Variants in SELENOF observed in about 807,000 individuals in gnomAD.
SELENOF encodes the protein selenoprotein F, also known as 15 kDa selenoprotein.
In SELENOF, 16 loss-of-function variants were observed where a neutral mutation model predicts 20.5. The observed-to-expected ratio is 0.78, with a 90% CI of 0.53 to 1.19. The LOEUF (loss-of-function observed/expected upper bound fraction) is 1.19, where lower values mean the gene tolerates loss of function less well. Among genes scored for constraint, SELENOF ranks in the 50% most tolerant of loss-of-function variants. The pLI is 0.00. For synonymous variants in SELENOF, 78 were observed against 74.5 expected (o/e 1.05, Z -0.24); for missense variants, 215 against 194.2 (o/e 1.11, Z -0.64).
intron 3 of SELENOF, among the ~76,000 whole-genome samples, chr1:86,872,471 C>A (rs1454713670): frequency 6.6e-6 from 1 of 151,984 alleles, no homozygotes; most frequent in African/African-American, 2.4e-5. Flanking sequence ...CGGGTTCAGG[C>A]GATTCTCCTG....
chr1:86,865,483 A>G (rs144133649), intron 4 of SELENOF, among the ~76,000 whole-genome samples: 56 of 152,348 alleles, frequency 3.7e-4, no homozygotes, highest in Non-Finnish European at 6.6e-4. Context: ...ACTTGAATAA[A>G]CAATGTTCTA....
chr1:86,866,409 T>C lies in SELENOF; in HGVS notation c.366+1644A>G, dbSNP rs527754252. ...TAAGTATCTGAAGTAGTCAAAACTA[T>C]AGAAACAGAAAACAGGTAGTTGTCA... On this transcript the variant is annotated intron_variant, in intron 4 of 4. Transcript: ENST00000331835. Among the ~76,000 whole-genome samples, 298 of 146,208 alleles carry C rather than the reference T, an allele frequency of 2.0e-3. 2 individuals carry two copies. The highest frequency in any genetic ancestry group is 2.8e-3 in the Non-Finnish European group (191 of 67,232).
chr1:86,891,657 A>G (rs1029704152), intron 2 of SELENOF, among the ~76,000 whole-genome samples: 3 of 152,186 alleles, frequency 2.0e-5, no homozygotes, highest in African/African-American at 7.2e-5. Context: ...AAAATTTTAA[A>G]TAATATTTTG....
chr1:86,914,265 C>T (rs1450512042), upstream of SELENOF: 5 of 668,122 alleles, frequency 7.5e-6, no homozygotes, highest in Non-Finnish European at 1.3e-5. Flanking sequence ...GCTTAAAAGT[C>T]ATCAAATACA....
chr1:86,911,077 A>T (rs1232410108), intron 1 of SELENOF, among the ~76,000 whole-genome samples: 4 of 152,230 alleles, frequency 2.6e-5, no homozygotes, highest in Admixed American at 2.0e-4. Flanking sequence ...TCCCTTTGGG[A>T]GTGGGTAGGA....
intron 2 of SELENOF, among the ~76,000 whole-genome samples, chr1:86,892,093 G>A (rs982877212): frequency 1.3e-5 from 2 of 151,842 alleles, no homozygotes; most frequent in Non-Finnish European, 2.9e-5. Flanking sequence ...ACCATGCCCA[G>A]TTAATTTCTT....
intron 3 of SELENOF, among the ~76,000 whole-genome samples, chr1:86,877,679 C>G (rs1001670768): frequency 2.0e-5 from 3 of 152,108 alleles, no homozygotes; most frequent in Non-Finnish European, 4.4e-5. Context: ...TTTCAAAACT[C>G]CTTTTTGCGT....
chr1:86,911,541 A>G (rs1018258332), intron 1 of SELENOF, among the ~76,000 whole-genome samples: 22 of 152,234 alleles, frequency 1.4e-4, no homozygotes, highest in African/African-American at 5.3e-4. Context: ...GCCACTGAAG[A>G]GTTTTAATCA....
intron 3 of SELENOF, among the ~76,000 whole-genome samples, chr1:86,880,152 T>C (rs1659029336): frequency 6.6e-6 from 1 of 152,036 alleles, no homozygotes; most frequent in Non-Finnish European, 1.5e-5. Context: ...TTTTTTTTTT[T>C]TGAGACAGAG....
chr1:86,868,056 G>C lies in SELENOF; in HGVS notation c.363C>G (p.Ile121Met). Residue 121 changes from isoleucine (I) to methionine (M), a missense_variant, in exon 4 of 5, where the codon ATC (isoleucine) becomes ATG (methionine). By Grantham distance (10) the Ile-to-Met change is conservative (BLOSUM62 1). Coordinates refer to ENST00000331835, the MANE Select transcript of SELENOF (RefSeq NM_004261.5). ...ATCTCCACTACAATCACCTTACCTT[G>C]ATTTGCAGTCCTCTGAACAGTTTGG... ...DKPKLFRGLQ[I>M]KYVRGSDPVL... 1 of 1,479,300 alleles carries C rather than the reference G, an allele frequency of 6.8e-7. No homozygotes were observed. Among genetic ancestry groups the C allele is most frequent in the Non-Finnish European group, 9.1e-7 (1 of 1,095,014 alleles). The allele number at this position is 1,479,300 out of a possible 1,614,324, so 91.6% of individuals were successfully genotyped here.
At position 86,880,635 on chromosome 1, in the gene SELENOF, C is replaced by G. The variant is rs373462249; in HGVS notation, c.316+27G>C. The G allele has an allele frequency of 3.9e-4, 517 of 1,340,162 alleles. 1 individual carries two copies. The Middle Eastern group carries it at 7.8e-3, about 20-fold the overall frequency. 83.0% of individuals were successfully genotyped at this position (1,340,162 alleles called of 1,614,324 possible). On this transcript the variant is annotated intron_variant, in intron 3 of 4. Coordinates refer to ENST00000331835, the MANE Select transcript of SELENOF (RefSeq NM_004261.5). ...AAAATGTTGATTTTAAATGACTGAA[C>G]AGTTTACTGGAGTAAATTTTATATA...
intron 4 of SELENOF, among the ~76,000 whole-genome samples, chr1:86,865,038 C>T (rs1479672089): frequency 6.6e-6 from 1 of 151,368 alleles, no homozygotes; most frequent in Non-Finnish European, 1.5e-5. Flanking sequence ...TATTATAATC[C>T]CAAAAGGAAA....
intron 3 of SELENOF, among the ~76,000 whole-genome samples, chr1:86,873,042 C>T (rs1232919875): frequency 2.4e-5 from 3 of 127,486 alleles, no homozygotes; most frequent in Non-Finnish European, 5.2e-5. Flanking sequence ...GTGACTCCGT[C>T]TAAAATAAAT....
At chr1:86,882,446 T>G (rs1358181884) in intron 2 of SELENOF, among the ~76,000 whole-genome samples, 1 of 145,866 alleles carries the variant, frequency 6.9e-6, no homozygotes, top group Admixed American at 6.9e-5. Context: ...GAAATGCATA[T>G]CAAAACCACA....
At chr1:86,899,457 G>T (rs1488160700) in intron 2 of SELENOF, among the ~76,000 whole-genome samples, 1 of 128,670 alleles carries the variant, frequency 7.8e-6, no homozygotes, top group Non-Finnish European at 1.6e-5. Flanking sequence ...GGCTGGCCGG[G>T]CAGAGGGGCT....
intron 2 of SELENOF, among the ~76,000 whole-genome samples, chr1:86,884,660 TAA>T (rs148696409): frequency 1.1e-4 from 17 of 152,322 alleles, no homozygotes; most frequent in African/African-American, 4.1e-4. Context: ...TTTTACTTTT[TAA>T]AGTGACTAGC....
chr1:86,868,801 T>C (rs964646323), intron 3 of SELENOF, among the ~76,000 whole-genome samples: 4 of 151,918 alleles, frequency 2.6e-5, no homozygotes, highest in African/African-American at 9.7e-5. Context: ...CAAAAGGAAA[T>C]GTTTTATAGA....
chr1:86,882,763 AT>A (rs756356674), intron 2 of SELENOF, among the ~76,000 whole-genome samples: 2 of 152,240 alleles, frequency 1.3e-5, no homozygotes, highest in Non-Finnish European at 2.9e-5. Context: ...TCATGTGTTC[AT>A]TAACAGATGA....
chr1:86,907,342 TA>T (rs1347694842), intron 1 of SELENOF, among the ~76,000 whole-genome samples: 5 of 152,220 alleles, frequency 3.3e-5, no homozygotes, highest in African/African-American at 1.2e-4. Context: ...AGACATGGGA[TA>T]AAAGATAAGT....
Sources: gnomAD v4.1 joint callset for allele counts (sites outside exome capture counted in the v4.1 genomes callset) on GRCh38, gnomAD v4.1.1 for gene constraint, MANE v1.5 for transcripts, NCBI Gene and HGNC (gene_info 2026-07-23, HGNC 2026-07-21) for gene names.